The following DLGAP4 variants were observed in gnomAD, a reference collection of about 807,000 sequenced individuals.
DLGAP4 encodes the protein disks large-associated protein 4.
Under a neutral mutation model 86.9 loss-of-function variants are expected in DLGAP4, and 18 were observed. The ratio of observed to expected loss-of-function variants is 0.21; its 90% confidence interval spans 0.14 to 0.31. The LOEUF is 0.31. DLGAP4 is among the 10% of genes least tolerant of loss of function. The probability of loss-of-function intolerance (pLI) is 1.00; values close to 1 mark genes in which losing one functional copy is unlikely to be tolerated. For missense variants in DLGAP4, 1,085 were observed against 1,362.6 expected (o/e 0.80, Z 3.21); for synonymous variants, 548 against 574.3 (o/e 0.95, Z 0.65).
chr20:36,472,348 C>T (rs552035019), intron 7 of DLGAP4, among the ~76,000 whole-genome samples: 7 of 151,832 alleles, frequency 4.6e-5, no homozygotes, highest in Non-Finnish European at 7.4e-5. Flanking sequence ...TAAAAAAATA[C>T]AAAAATTAGC....
At chr20:36,423,803 T>C (rs1321416947) in intron 2 of DLGAP4, among the ~76,000 whole-genome samples, 1 of 151,456 alleles carries the variant, frequency 6.6e-6, no homozygotes, top group Non-Finnish European at 1.5e-5. Context: ...CTACCAAAAA[T>C]ACAAAATGTA....
At chr20:36,323,589 T>C (rs2065190367) in intron 1 of DLGAP4, among the ~76,000 whole-genome samples, 1 of 152,238 alleles carries the variant, frequency 6.6e-6, no homozygotes, top group African/African-American at 2.4e-5. Flanking sequence ...TGGGAAACTT[T>C]TGCGGTTATT....
At position 36,432,674 on chromosome 20, in the gene DLGAP4, G is replaced by A. The variant is rs1254449351; in HGVS notation, c.957G>A (p.Lys319=). The change falls in exon 3 of 13, where the codon AAG becomes AAA. Residue 319 remains lysine, a synonymous_variant. Transcript: ENST00000339266. This position sits in a 1 kb window ranked among gnomAD's most constrained non-coding sequence, Gnocchi z 6.5. ...TSATLDKSLL[K]SKSCHQGLAY... ...CCACCTTGGATAAGAGCCTGCTCAAGTCCAAATCCTGCCACCAGGGTCTAG... is the reference window on the plus strand; with the variant it reads ...CCACCTTGGATAAGAGCCTGCTCAAATCCAAATCCTGCCACCAGGGTCTAG... 3 of 1,613,526 alleles carry A rather than the reference G, an allele frequency of 1.9e-6. No homozygotes were observed. Among genetic ancestry groups the A allele is most frequent in the Non-Finnish European group, 2.5e-6 (3 of 1,179,808 alleles).
At chr20:36,317,765 G>T (rs2065123959) in intron 1 of DLGAP4, among the ~76,000 whole-genome samples, 1 of 152,030 alleles carries the variant, frequency 6.6e-6, no homozygotes, top group Admixed American at 6.6e-5. Context: ...ACTCTTGTGA[G>T]AATTTTCTGA....
At chr20:36,445,633 G>A (rs187580964) in intron 6 of DLGAP4, among the ~76,000 whole-genome samples, 2 of 152,330 alleles carry the variant, frequency 1.3e-5, no homozygotes, top group Admixed American at 1.3e-4. Flanking sequence ...TAGATGAGGA[G>A]AAACTGACCC....
intron 10 of DLGAP4, among the ~76,000 whole-genome samples, chr20:36,509,126 A>G (rs2036546341): frequency 6.6e-6 from 1 of 152,226 alleles, no homozygotes; most frequent in Non-Finnish European, 1.5e-5. Flanking sequence ...TTGGATTCTC[A>G]GTATTTTTCA....
At chr20:36,435,497 C>T (rs2033248177) in intron 3 of DLGAP4, among the ~76,000 whole-genome samples, 1 of 152,224 alleles carries the variant, frequency 6.6e-6, no homozygotes, top group South Asian at 2.1e-4. Flanking sequence ...CGGACGGAGT[C>T]CCTGAAGTTC....
intron 2 of DLGAP4, among the ~76,000 whole-genome samples, chr20:36,419,994 G>C (rs571274661): frequency 7.8e-6 from 1 of 127,660 alleles, no homozygotes; most frequent in Admixed American, 8.3e-5. Flanking sequence ...AGGAGTTGTA[G>C]TGAGGATTAA....
chr20:36,493,193 A>G (rs138297612), intron 7 of DLGAP4: 7 of 152,382 alleles, frequency 4.6e-5, no homozygotes, highest in African/African-American at 1.7e-4. Context: ...CAGGTCAGTG[A>G]CAAGAGCTGG....
intron 1 of DLGAP4, among the ~76,000 whole-genome samples, chr20:36,310,843 T>C (rs2065047192): frequency 6.6e-6 from 1 of 152,152 alleles, no homozygotes; most frequent in African/African-American, 2.4e-5. Context: ...GAGAGCAAAC[T>C]CACTGGGCAT....
rs1555891910 is a variant in DLGAP4 at position 36,334,510 on chromosome 20, G to A, written c.-304+27998G>A. Among the ~76,000 whole-genome samples, 3 of 152,314 alleles carry A rather than the reference G, an allele frequency of 2.0e-5. No individual in the cohort carries two copies. In the South Asian group the frequency reaches 6.2e-4, roughly 32 times the overall value. On this transcript the variant is annotated intron_variant, in intron 1 of 12. Transcript: ENST00000339266. ...AAAAGCCCCCTGTGTGTGCAGCAGG[G>A]AGTGCAATTTGCAGGGGCCCAGGTG...
chr20:36,365,978 G>A (rs1280894485), intron 1 of DLGAP4, among the ~76,000 whole-genome samples: 3 of 152,182 alleles, frequency 2.0e-5, no homozygotes, highest in Admixed American at 1.3e-4. Flanking sequence ...TAAAATTGGA[G>A]GGGAGAGGGT....
chr20:36,463,527 C>T (rs2034196725), intron 7 of DLGAP4, among the ~76,000 whole-genome samples: 1 of 152,224 alleles, frequency 6.6e-6, no homozygotes, highest in Admixed American at 6.5e-5. Flanking sequence ...ACCTGCCCTT[C>T]CAATAGAGCA....
rs1180588505 is a variant in DLGAP4 at position 36,431,136 on chromosome 20, G to T, written c.-72-510G>T. ...CCCAAATGACCCACGCCTGCCTCCAGGGCCAGCACAGGGTCCTCCCGTGGG... is the reference window on the plus strand; with the variant it reads ...CCCAAATGACCCACGCCTGCCTCCATGGCCAGCACAGGGTCCTCCCGTGGG... On this transcript the variant is annotated intron_variant, in intron 2 of 12. Coordinates refer to ENST00000339266, the MANE Select transcript of DLGAP4 (RefSeq NM_001365621.2). The surrounding 1 kb of genome is among the most constrained non-coding windows in gnomAD (Gnocchi z 5.1). Among the ~76,000 whole-genome samples the T allele has an allele frequency of 1.3e-5, 1 of 77,278 alleles. No homozygotes were observed. Among genetic ancestry groups the T allele is most frequent in the African/African-American group, 3.1e-5 (1 of 31,938 alleles). The allele number at this position is 77,278 out of a possible 152,430, so 50.7% of individuals were successfully genotyped here. A position where few individuals can be genotyped will look rare whatever the true frequency, so the allele number is the denominator to read the frequency against.
chr20:36,438,528 TCA>T (rs1401949621), intron 4 of DLGAP4, among the ~76,000 whole-genome samples: 2 of 150,612 alleles, frequency 1.3e-5, no homozygotes, highest in African/African-American at 4.9e-5. Context: ...CCTCTGGGCC[TCA>T]GTTTCCCAAT....
intron 7 of DLGAP4, among the ~76,000 whole-genome samples, chr20:36,475,563 C>G (rs1292510411): frequency 1.3e-5 from 2 of 152,172 alleles, no homozygotes; most frequent in South Asian, 4.1e-4. Flanking sequence ...ACTAACACAT[C>G]CATTACTGCC....
chr20:36,307,774 G>A (rs962956238), intron 1 of DLGAP4, among the ~76,000 whole-genome samples: 24 of 152,276 alleles, frequency 1.6e-4, no homozygotes, highest in African/African-American at 4.1e-4. Flanking sequence ...CAGTAGGGAG[G>A]GGGGAGTCCT....
intron 2 of DLGAP4, among the ~76,000 whole-genome samples, chr20:36,423,870 G>T (rs1413424077): frequency 6.6e-6 from 1 of 151,932 alleles, no homozygotes; most frequent in Non-Finnish European, 1.5e-5. Flanking sequence ...TGAGGCGGGA[G>T]AATTGCTTGA....
At chr20:36,348,902 A>T (rs2030036181) in intron 1 of DLGAP4, among the ~76,000 whole-genome samples, 1 of 150,428 alleles carries the variant, frequency 6.6e-6, no homozygotes. Flanking sequence ...GGAGTTCAAG[A>T]CCAGCCTGGC....
Sources: allele counts gnomAD v4.1 joint callset (sites outside exome capture counted in the v4.1 genomes callset), GRCh38; gene constraint gnomAD v4.1.1; non-coding constraint Gnocchi (gnomAD v3.1); transcripts MANE v1.5; gene names NCBI Gene and HGNC (gene_info 2026-07-23, HGNC 2026-07-21).